The following FLCN variants were observed in gnomAD, a reference collection of about 807,000 sequenced individuals.
FLCN encodes folliculin, also known as BHD skin lesion fibrofolliculoma protein.
Under a neutral mutation model 62.5 loss-of-function variants are expected in FLCN, and 22 were observed. The observed-to-expected ratio is 0.35, with a 90% CI of 0.25 to 0.50. FLCN has a LOEUF of 0.50. FLCN is among the 20% of genes least tolerant of loss of function. FLCN has a pLI of 0.97. For missense variants in FLCN, 657 were observed against 778.0 expected, an observed-to-expected ratio of 0.84 and a Z score of 1.85; for synonymous variants, 319 against 310.0, an observed-to-expected ratio of 1.03 and a Z score of -0.30.
chr17:17,217,104 C>T lies in FLCN; in HGVS notation c.1141G>A (p.Val381Met), dbSNP rs1347669124. The change falls in exon 10 of 14, where the codon GTG becomes ATG. Residue 381 changes from valine to methionine, a missense_variant. By Grantham distance (21) the Val-to-Met change is conservative (BLOSUM62 1). Coordinates refer to ENST00000285071, the MANE Select transcript of FLCN (RefSeq NM_144997.7). ...GNQVIWKSRD[V>M]DLVQSAFEVL... ...TCAAAAGCTGACTGGACGAGGTCCA[C>T]GTCTCTGCTTTTCCAGATCACCTGG... The T allele has an allele frequency of 3.7e-6, 6 of 1,613,978 alleles. No individual in the cohort carries two copies. Among genetic ancestry groups the T allele is most frequent in the Middle Eastern group, 1.7e-4 (1 of 6,060 alleles).
Position 17,219,043 on chromosome 17 carries a change from G to C in FLCN, c.1038C>G (p.Phe346Leu). ...CCTGCCTCATGTGCCGGAGGGACTT[G>C]AAGACTGGCAGCTTCCGGGGCTGCC... ...GSWQPRKLPVFKSLRHMRQVL... is the reference protein window; with the variant it reads ...GSWQPRKLPVLKSLRHMRQVL... The change falls in exon 9 of 14, where the codon TTC becomes TTG. Residue 346 changes from phenylalanine to leucine, a missense_variant. Coordinates refer to ENST00000285071, the MANE Select transcript of FLCN (RefSeq NM_144997.7). 3 of 1,613,882 alleles carry C rather than the reference G, an allele frequency of 1.9e-6. No homozygotes were observed. Among genetic ancestry groups the C allele is most frequent in the Middle Eastern group, 1.7e-4 (1 of 6,010 alleles).
At chr17:17,224,997 CTGAA>C (rs2144995158) in intron 5 of FLCN, 1 of 152,578 alleles carries the variant, frequency 6.6e-6, no homozygotes, top group South Asian at 2.1e-4. Context: ...CACAGCCACA[CTGAA>C]TGAGAACAGT....
At chr17:17,221,142 C>T (rs1005805651) in intron 8 of FLCN, 9 of 1,414,768 alleles carry the variant, frequency 6.4e-6, no homozygotes, top group Non-Finnish European at 8.3e-6. Context: ...CAGGGAACCA[C>T]TGCCCTTCAT....
rs2046808967 is a variant in FLCN at position 17,213,446 on chromosome 17, T to C, written c.*209A>G. ...ATCATCCCTCCGCCTTTCATTGCCA[T>C]CTTCAGCGATTCCAACGGCTGGAGG... On this transcript the variant is annotated 3_prime_UTR_variant, in exon 14 of 14. Coordinates refer to ENST00000285071, the MANE Select transcript of FLCN (RefSeq NM_144997.7). The C allele has an allele frequency of 3.1e-6, 2 of 653,440 alleles. No individual in the cohort carries two copies. Among genetic ancestry groups the C allele is most frequent in the Non-Finnish European group, 5.4e-6 (2 of 370,386 alleles). The allele number at this position is 653,440 out of a possible 1,614,324, so 40.5% of individuals were successfully genotyped here. A position where few individuals can be genotyped will look rare whatever the true frequency, so the allele number is the denominator to read the frequency against.
chr17:17,229,055 C>G (rs1310672769), intron 3 of FLCN: 1 of 153,038 alleles, frequency 6.5e-6, no homozygotes, highest in Non-Finnish European at 1.5e-5. Context: ...GTGGCCCAGG[C>G]CAGGCAGGGT....
In FLCN at chr17:17,226,192, C is replaced by T. The variant is rs1567822604; in HGVS notation, c.380G>A (p.Arg127Gln). The change falls in exon 5 of 14, where the codon CGG (arginine) becomes CAG (glutamine). Residue 127 changes from arginine (R) to glutamine (Q), a missense_variant. By Grantham distance (43) the Arg-to-Gln change is conservative. Coordinates refer to ENST00000285071, the MANE Select transcript of FLCN (RefSeq NM_144997.7). ...AAGGCTCACCTCACAGCTCAGGCTCCGGACACAGGCCTGGCGGACAATGCT... is the reference window on the plus strand; with the variant it reads ...AAGGCTCACCTCACAGCTCAGGCTCTGGACACAGGCCTGGCGGACAATGCT... The part of the protein sequence containing the change: ...LFSIVRQACV[R>Q]SLSCEVCPGR... The T allele has an allele frequency of 1.2e-6, 2 of 1,614,084 alleles. No individual in the cohort carries two copies. Among genetic ancestry groups the T allele is most frequent in the Non-Finnish European group, 1.7e-6 (2 of 1,180,038 alleles).
rs910941491 is a variant in FLCN, at chr17:17,233,950, C to T, written c.-227-1049G>A. The stretch of plus-strand genomic sequence containing the variant: ...GTTGGCCAGGCTGGTCTCGAACTCC[C>T]GACCTCAGGTGATCCACCTACCTCA... On this transcript the variant is annotated intron_variant, in intron 1 of 13. Transcript: ENST00000285071. Among the ~76,000 whole-genome samples the T allele has an allele frequency of 9.9e-4, 149 of 150,984 alleles. 2 individuals carry two copies. Among genetic ancestry groups the T allele is most frequent in the Non-Finnish European group, 6.8e-4 (46 of 67,626 alleles).
intron 1 of FLCN, chr17:17,235,329 T>C (rs1344656948): frequency 6.6e-6 from 1 of 151,198 alleles, no homozygotes; most frequent in Non-Finnish European, 1.5e-5. Flanking sequence ...CACGTGCCTG[T>C]AGTGCCAGCT....
At position 17,216,666 on chromosome 17, in the gene FLCN, G is replaced by C. The variant is rs1457768561; in HGVS notation, c.1177-163C>G. 6.6e-6 allele frequency among the ~76,000 whole-genome samples: 1 copy of C among 152,114 alleles called. No homozygotes were observed. The highest frequency in any genetic ancestry group is 1.5e-5 in the Non-Finnish European group (1 of 68,016). On this transcript the variant is annotated intron_variant, in intron 10 of 13. Coordinates refer to ENST00000285071, the MANE Select transcript of FLCN (RefSeq NM_144997.7). The surrounding 1 kb of genome is among the most constrained non-coding windows in gnomAD (Gnocchi z 4.0). ...TCTCAGCCCACAGTGGGGGTGAGGG[G>C]GGAGGGTCCTCCACCACCAGGTCCC...
intron 4 of FLCN, among the ~76,000 whole-genome samples, chr17:17,227,327 G>A (rs569811457): frequency 4.6e-5 from 7 of 151,896 alleles, no homozygotes; most frequent in African/African-American, 1.7e-4. Flanking sequence ...AACTCCACTG[G>A]GAGCACGGGA....
Position 17,223,919 on chromosome 17 carries a change from C to T in FLCN, c.618+3G>A, listed in dbSNP as rs773197802. On this transcript the variant is annotated splice_donor_region_variant and intron_variant, in intron 6 of 13. Transcript: ENST00000285071. ...CGCCCCGGCACCTCATCTCTGAATT[C>T]ACCTTGAGCGCCTTGCCCTGGAGCT... is the stretch of plus-strand genomic sequence containing the variant. The T allele has an allele frequency of 1.2e-6, 2 of 1,613,130 alleles. No individual in the cohort carries two copies. Among genetic ancestry groups the T allele is most frequent in the South Asian group, 1.1e-5 (1 of 91,064 alleles).
chr17:17,214,191 A>G (rs969686146), intron 13 of FLCN, among the ~76,000 whole-genome samples: 2 of 152,186 alleles, frequency 1.3e-5, no homozygotes, highest in African/African-American at 4.8e-5. Context: ...GGTTGCTCCT[A>G]AGCTTCACTG....
At position 17,216,162 on chromosome 17, in the gene FLCN, T is replaced by C. The variant is rs1277349287; in HGVS notation, c.1300+218A>G. On this transcript the variant is annotated intron_variant, in intron 11 of 13. Transcript: ENST00000285071. The surrounding 1 kb of genome is among the most constrained non-coding windows in gnomAD (Gnocchi z 4.0). ...CCCACGATGGTGACCTGCAGCCCAC[T>C]GACGACAGTCCCTGCCAGCCAACCT... Among the ~76,000 whole-genome samples the C allele has an allele frequency of 1.3e-5, 2 of 152,138 alleles. No homozygotes were observed. Among genetic ancestry groups the C allele is most frequent in the Non-Finnish European group, 2.9e-5 (2 of 68,006 alleles).
In FLCN at chr17:17,216,586, C is replaced by A; in HGVS notation, c.1177-83G>T. 1 of 1,589,882 alleles carries A rather than the reference C, an allele frequency of 6.3e-7. No individual in the cohort carries two copies. Among genetic ancestry groups the A allele is most frequent in the South Asian group, 1.1e-5 (1 of 88,558 alleles). On this transcript the variant is annotated intron_variant, in intron 10 of 13. Coordinates refer to ENST00000285071, the MANE Select transcript of FLCN (RefSeq NM_144997.7). This position sits in a 1 kb window ranked among gnomAD's most constrained non-coding sequence, Gnocchi z 4.0. ...TCCATGCTCTACTACCCAAACCCCA[C>A]ACGCCTCCTGCAGCCCGGTCCAAGC... is the stretch of plus-strand genomic sequence containing the variant.
chr17:17,215,600 G>A (rs1597581448), intron 11 of FLCN, among the ~76,000 whole-genome samples: 1 of 152,212 alleles, frequency 6.6e-6, no homozygotes, highest in African/African-American at 2.4e-5. Flanking sequence ...GCCCTATGAG[G>A]GTGGTCTCAC....
In FLCN at chr17:17,213,334, G is replaced by A. The variant is rs139734855; in HGVS notation, c.*321C>T. On this transcript the variant is annotated 3_prime_UTR_variant, in exon 14 of 14. Transcript: ENST00000285071. ...CTGAGTCGGACCTGTTTCTCCTGCG[G>A]GTTTTGAGTCTAAGTCCACAAGGGG... The A allele has an allele frequency of 3.1e-5, 16 of 509,458 alleles. No homozygotes were observed. Among genetic ancestry groups the A allele is most frequent in the African/African-American group, 2.8e-4 (15 of 52,654 alleles). 31.6% of individuals were successfully genotyped at this position (509,458 alleles called of 1,614,324 possible).
rs569808178 is a variant in FLCN, at chr17:17,218,175, C to G, written c.1062+844G>C. Among the ~76,000 whole-genome samples the G allele has an allele frequency of 3.1e-4, 47 of 152,288 alleles. 1 individual carries two copies. The South Asian group carries it at 7.2e-3, about 23-fold the overall frequency. On this transcript the variant is annotated intron_variant, in intron 9 of 13. Transcript: ENST00000285071. ...CCTTGTAATCCAGCAACCCACACCC[C>G]TCTCTCCCGGCATCTGACTCGATGT...
At chr17:17,228,545 CCAAT>C in intron 3 of FLCN, 9 of 261,216 alleles carry the variant, frequency 3.4e-5, no homozygotes, top group South Asian at 4.9e-5. Context: ...GGTCCTCCAC[CCAAT>C]ACATATCTGC....
At chr17:17,224,691 A>G (rs183279449) in intron 5 of FLCN, 231 of 167,596 alleles carry the variant, frequency 1.4e-3, no homozygotes, top group African/African-American at 5.3e-3. Context: ...GTGTGCCACC[A>G]CGCCTGGCTA....
Sources: allele counts gnomAD v4.1 joint callset (sites outside exome capture counted in the v4.1 genomes callset), GRCh38; gene constraint gnomAD v4.1.1; non-coding constraint Gnocchi (gnomAD v3.1); transcripts MANE v1.5; gene names NCBI Gene and HGNC (gene_info 2026-07-23, HGNC 2026-07-21).